The following STOX2 variants were observed in gnomAD, a reference collection of about 807,000 sequenced individuals.
The protein encoded by STOX2 is storkhead box 2.
In STOX2, 28 loss-of-function variants were observed where a neutral mutation model predicts 60.9. That is an observed-to-expected ratio of 0.46 (90% CI 0.34 to 0.63). The LOEUF (loss-of-function observed/expected upper bound fraction) is 0.63, where lower values mean the gene tolerates loss of function less well. Ranked by LOEUF, STOX2 falls within the 30% of genes least tolerant of loss-of-function variation. The pLI is 0.01. For synonymous variants in STOX2, 472 were observed against 463.9 expected, an observed-to-expected ratio of 1.02 and a Z score of -0.22; for missense variants, 1,024 against 1,187.7, an observed-to-expected ratio of 0.86 and a Z score of 2.03.
chr4:183,996,401 A>G (rs1375958269), intron 1 of STOX2, among the ~76,000 whole-genome samples: 1 of 152,272 alleles, frequency 6.6e-6, no homozygotes, highest in Non-Finnish European at 1.5e-5. Context: ...TAAATTATAG[A>G]CAAGTAAATT....
At chr4:184,015,482 A>T (rs527298653) in intron 3 of STOX2, 1 of 150,634 alleles carries the variant, frequency 6.6e-6, no homozygotes, top group South Asian at 2.1e-4. Context: ...TACCCTCGAC[A>T]TTCAAGAAAG....
chr4:183,924,218 G>A (rs1441227454), intron 1 of STOX2, among the ~76,000 whole-genome samples: 1 of 152,122 alleles, frequency 6.6e-6, no homozygotes, highest in Non-Finnish European at 1.5e-5. Flanking sequence ...GCCTTGACAC[G>A]TATGCTTGTC....
chr4:183,800,116 A>T (rs1378927606), intron 1 of STOX2, among the ~76,000 whole-genome samples: 2 of 152,238 alleles, frequency 1.3e-5, no homozygotes, highest in Non-Finnish European at 2.9e-5. Context: ...TGCTTCAGTA[A>T]TGACGGTAAA....
At chr4:183,919,991 G>C (rs1742052119) in intron 1 of STOX2, among the ~76,000 whole-genome samples, 1 of 151,956 alleles carries the variant, frequency 6.6e-6, no homozygotes, top group Non-Finnish European at 1.5e-5. Context: ...ATCCTGCAAG[G>C]GTGCCACTGA....
rs1741562847 is a variant in STOX2 at position 183,905,393 on chromosome 4, C to T, written c.-1398C>T. On this transcript the variant is annotated 5_prime_UTR_variant, in exon 1 of 4. Coordinates refer to ENST00000308497, the MANE Select transcript of STOX2 (RefSeq NM_020225.3). The stretch of plus-strand genomic sequence containing the variant: ...GCTGGCGGTGACTTACACCGGGACT[C>T]CAGAGGGAGAGAGGAAGCGCTGCAG... 1.3e-5 allele frequency: 2 copies of T among 152,502 alleles called. No individual in the cohort carries two copies. Among genetic ancestry groups the T allele is most frequent in the Non-Finnish European group, 2.9e-5 (2 of 68,268 alleles). The allele number at this position is 152,502 out of a possible 1,614,324, so 9.4% of individuals were successfully genotyped here.
At chr4:183,798,506 G>A (rs1197665481) in intron 1 of STOX2, 2 of 519,106 alleles carry the variant, frequency 3.9e-6, no homozygotes, top group Non-Finnish European at 5.0e-6. Context: ...GGCGGCTCAG[G>A]TGCGCCCGGG....
chr4:183,816,905 C>T (rs1739166757), intron 1 of STOX2, among the ~76,000 whole-genome samples: 1 of 152,154 alleles, frequency 6.6e-6, no homozygotes, highest in African/African-American at 2.4e-5. Context: ...GATGAAATTC[C>T]AGATGATGTC....
chr4:183,815,462 A>T (rs1739133954), intron 1 of STOX2, among the ~76,000 whole-genome samples: 1 of 152,182 alleles, frequency 6.6e-6, no homozygotes, highest in Non-Finnish European at 1.5e-5. Context: ...AATTAAAATG[A>T]ACTATAGATT....
At chr4:184,004,630 C>A (rs1463664237) in intron 2 of STOX2, among the ~76,000 whole-genome samples, 1 of 152,060 alleles carries the variant, frequency 6.6e-6, no homozygotes, top group Admixed American at 6.6e-5. Context: ...AATTCCGATA[C>A]ATCAAAACTT....
Position 184,001,330 on chromosome 4 carries a change from G to T in STOX2, c.172G>T (p.Val58Leu). The change falls in exon 2 of 4, where the codon GTA becomes TTA. Residue 58 changes from valine (V) to leucine (L), a missense_variant. Around this residue, in one of 3 missense-constraint regions of STOX2, gnomAD observed 98 missense variants for 110.2 expected, o/e 0.89. Coordinates refer to ENST00000308497, the MANE Select transcript of STOX2 (RefSeq NM_020225.3). This position sits in a 1 kb window ranked among gnomAD's most constrained non-coding sequence, Gnocchi z 4.2. ...ASRGYMTSGD[V>L]SPISMSPISQ... ...TGAAAATTGTCTTTCTGCAGGTGAT[G>T]TATCACCCATCAGTATGTCTCCCAT... The T allele has an allele frequency of 6.2e-7, 1 of 1,613,792 alleles. No individual in the cohort carries two copies. Among genetic ancestry groups the T allele is most frequent in the Non-Finnish European group, 8.5e-7 (1 of 1,179,788 alleles).
intron 1 of STOX2, among the ~76,000 whole-genome samples, chr4:183,842,355 A>C (rs1739882453): frequency 6.6e-6 from 1 of 152,218 alleles, no homozygotes; most frequent in Non-Finnish European, 1.5e-5. Flanking sequence ...TGAAAACTTC[A>C]AGCCTCACAG....
At chr4:183,949,522 A>AC (rs1332926115) in intron 1 of STOX2, among the ~76,000 whole-genome samples, 1 of 151,456 alleles carries the variant, frequency 6.6e-6, no homozygotes, top group African/African-American at 2.4e-5. Context: ...ACATGATGAA[A>AC]CCCCATCTCT....
At chr4:183,961,020 C>T (rs1433164986) in intron 1 of STOX2, among the ~76,000 whole-genome samples, 16 of 152,270 alleles carry the variant, frequency 1.1e-4, no homozygotes, top group Non-Finnish European at 8.8e-5. Flanking sequence ...CCCTGGTTCT[C>T]TGTGACACAG....
chr4:183,929,101 A>G (rs1742336067), intron 1 of STOX2, among the ~76,000 whole-genome samples: 1 of 152,256 alleles, frequency 6.6e-6, no homozygotes. Flanking sequence ...GATACAAGGC[A>G]GTAACTTAAA....
chr4:183,905,444 T>G lies in STOX2; in HGVS notation c.-1347T>G, dbSNP rs1195473390. ...GCCACTTGCATTGCGTCTTCCAGGC[T>G]GCGTGGACCCGGCGCCCCGGCGTGT... is the stretch of plus-strand genomic sequence containing the variant. On this transcript the variant is annotated 5_prime_UTR_variant, in exon 1 of 4. Coordinates refer to ENST00000308497, the MANE Select transcript of STOX2 (RefSeq NM_020225.3). 1 of 152,256 alleles carries G rather than the reference T, an allele frequency of 6.6e-6. No individual in the cohort carries two copies. Among genetic ancestry groups the G allele is most frequent in the East Asian group, 1.9e-4 (1 of 5,186 alleles). The allele number at this position is 152,256 out of a possible 1,614,324, so 9.4% of individuals were successfully genotyped here.
At chr4:183,854,580 C>G (rs1256357179) in intron 1 of STOX2, among the ~76,000 whole-genome samples, 1 of 152,052 alleles carries the variant, frequency 6.6e-6, no homozygotes, top group African/African-American at 2.4e-5. Flanking sequence ...TTTAAAATAG[C>G]AAGTAGTGAA....
At chr4:183,948,558 T>TTTTTG (rs1742972803) in intron 1 of STOX2, among the ~76,000 whole-genome samples, 1 of 145,236 alleles carries the variant, frequency 6.9e-6, no homozygotes, top group South Asian at 2.3e-4. Context: ...TTTTTTTTTT[T>TTTTTG]TTTTGAGACA....
intron 1 of STOX2, among the ~76,000 whole-genome samples, chr4:183,862,291 T>G (rs914541002): frequency 6.6e-6 from 1 of 152,198 alleles, no homozygotes; most frequent in Non-Finnish European, 1.5e-5. Context: ...TTCTCCTGCC[T>G]CAGCCTCCCT....
Position 183,947,080 on chromosome 4 carries a change from G to A in STOX2, c.166+40124G>A, listed in dbSNP as rs1007621153. On this transcript the variant is annotated intron_variant, in intron 1 of 3. Coordinates refer to ENST00000308497, the MANE Select transcript of STOX2 (RefSeq NM_020225.3). ...CATCCGTGGATTTCGGTATCCTGGT[G>A]GGGGGTGGGGCAAGGGGGCTCCTGG... Among the ~76,000 whole-genome samples, 5 of 34,494 alleles carry A rather than the reference G, an allele frequency of 1.4e-4. No homozygotes were observed. In the South Asian group the frequency reaches 0.013, roughly 91 times the overall value. The allele number at this position is 34,494 out of a possible 152,430, so 22.6% of individuals were successfully genotyped here. A position where few individuals can be genotyped will look rare whatever the true frequency, so the allele number is the denominator to read the frequency against.
Sources: gnomAD v4.1 joint callset for allele counts (sites outside exome capture counted in the v4.1 genomes callset) on GRCh38, gnomAD v4.1.1 for gene constraint, gnomAD v4.1.1 regional missense constraint, Gnocchi (gnomAD v3.1) non-coding constraint, MANE v1.5 for transcripts, NCBI Gene and HGNC (gene_info 2026-07-23, HGNC 2026-07-21) for gene names.